The following CNTN4 variants were observed in gnomAD, a reference collection of about 807,000 sequenced individuals.
CNTN4 encodes the protein contactin 4.
CNTN4 carries 77 observed loss-of-function variants against 122.5 expected under a neutral mutation model. The observed-to-expected ratio is 0.63, with a 90% confidence interval of 0.52 to 0.76. The LOEUF (loss-of-function observed/expected upper bound fraction) is 0.76, where lower values mean the gene tolerates loss of function less well. Ranked by LOEUF, CNTN4 falls within the 30% of genes least tolerant of loss-of-function variation. The pLI is 0.00. For missense variants in CNTN4, 1,256 were observed against 1,259.1 expected, an observed-to-expected ratio of 1.00 and a Z score of 0.04; for synonymous variants, 512 against 447.0, an observed-to-expected ratio of 1.15 and a Z score of -1.83.
chr3:2,254,868 G>C (rs867323288), intron 2 of CNTN4, among the ~76,000 whole-genome samples: 2 of 152,160 alleles, frequency 1.3e-5, no homozygotes, highest in Admixed American at 1.3e-4. Flanking sequence ...TTCTTTTGCT[G>C]TGAGGAAGCT....
intron 10 of CNTN4, among the ~76,000 whole-genome samples, chr3:2,891,963 A>G (rs572282684): frequency 3.9e-5 from 6 of 152,356 alleles, no homozygotes; most frequent in Admixed American, 3.3e-4. Context: ...GTTAGGACGT[A>G]AGAGAGGAAG....
chr3:2,849,643 CAGA>C (rs2093513816), intron 7 of CNTN4, among the ~76,000 whole-genome samples: 1 of 152,166 alleles, frequency 6.6e-6, no homozygotes, highest in African/African-American at 2.4e-5. Context: ...CCCTACTTTA[CAGA>C]AGAAGATCAA....
chr3:2,758,436 G>A (rs900573066), intron 6 of CNTN4, among the ~76,000 whole-genome samples: 1 of 151,080 alleles, frequency 6.6e-6, no homozygotes, highest in Non-Finnish European at 1.5e-5. Flanking sequence ...TCCAATAAAG[G>A]TGCATATTCC....
At chr3:2,678,687 A>G (rs1412467001) in intron 4 of CNTN4, among the ~76,000 whole-genome samples, 7 of 152,236 alleles carry the variant, frequency 4.6e-5, no homozygotes, top group Admixed American at 2.6e-4. Flanking sequence ...TTGGTTTATC[A>G]GAATGAAGTA....
At chr3:3,014,473 G>A (rs767674278) in intron 14 of CNTN4, among the ~76,000 whole-genome samples, 10 of 152,080 alleles carry the variant, frequency 6.6e-5, no homozygotes, top group Non-Finnish European at 1.2e-4. Context: ...GCCCAACAAA[G>A]GGTTTCTATT....
At chr3:2,685,816 G>A (rs1914010) in intron 4 of CNTN4, among the ~76,000 whole-genome samples, 72,704 of 151,768 alleles carry the variant, frequency 0.48, 20,043 homozygotes, top group Non-Finnish European at 0.62. Context: ...AGAGCAGGTG[G>A]CTGTGGTTTG....
intron 24 of CNTN4, among the ~76,000 whole-genome samples, chr3:3,055,541 C>T (rs531782653): frequency 6.6e-6 from 1 of 152,108 alleles, no homozygotes; most frequent in Non-Finnish European, 1.5e-5. Context: ...AGTGTAAGAC[C>T]CATAAGAAAA....
chr3:2,962,497 C>T (rs1206919035), intron 13 of CNTN4, among the ~76,000 whole-genome samples: 3 of 152,138 alleles, frequency 2.0e-5, no homozygotes, highest in Non-Finnish European at 4.4e-5. Flanking sequence ...TTAGAAAACC[C>T]CTGGAAGAAG....
intron 4 of CNTN4, among the ~76,000 whole-genome samples, chr3:2,715,300 A>G (rs2087424827): frequency 6.6e-6 from 1 of 152,240 alleles, no homozygotes. Flanking sequence ...TGTAAAGGAA[A>G]GTAAAAGCCA....
At chr3:2,808,226 C>G (rs894255654) in intron 6 of CNTN4, among the ~76,000 whole-genome samples, 14 of 152,100 alleles carry the variant, frequency 9.2e-5, no homozygotes, top group African/African-American at 3.4e-4. Flanking sequence ...CCTTATGTCT[C>G]CATTTAGTAA....
At chr3:2,167,884 G>T (rs1041853843) in intron 2 of CNTN4, among the ~76,000 whole-genome samples, 18 of 152,144 alleles carry the variant, frequency 1.2e-4, no homozygotes, top group Admixed American at 1.2e-3. Context: ...GACCAGGCAT[G>T]GTGGCTTATG....
chr3:2,779,018 C>T (rs1302721283), intron 6 of CNTN4, among the ~76,000 whole-genome samples: 2 of 152,276 alleles, frequency 1.3e-5, no homozygotes, highest in Admixed American at 1.3e-4. Context: ...CTTAATGCCC[C>T]ATAGTAGCAT....
chr3:2,285,529 C>G (rs2041871128), intron 2 of CNTN4, among the ~76,000 whole-genome samples: 1 of 151,950 alleles, frequency 6.6e-6, no homozygotes, highest in Non-Finnish European at 1.5e-5. Context: ...AAGTATTCTG[C>G]TATGATTTTA....
intron 2 of CNTN4, among the ~76,000 whole-genome samples, chr3:2,280,141 A>G (rs996650186): frequency 2.0e-5 from 3 of 152,044 alleles, no homozygotes; most frequent in Non-Finnish European, 4.4e-5. Context: ...TTATCTTTAA[A>G]TAGAGACAGG....
chr3:2,585,522 A>G (rs574793183), intron 4 of CNTN4, among the ~76,000 whole-genome samples: 21 of 152,206 alleles, frequency 1.4e-4, no homozygotes, highest in African/African-American at 4.3e-4. Context: ...AAAAATGATG[A>G]GTTCATGTCC....
chr3:2,802,596 C>T (rs532349778), intron 6 of CNTN4, among the ~76,000 whole-genome samples: 4 of 152,146 alleles, frequency 2.6e-5, no homozygotes, highest in Non-Finnish European at 5.9e-5. Context: ...TGTCTTCAAA[C>T]AGAAACAAGT....
intron 2 of CNTN4, among the ~76,000 whole-genome samples, chr3:2,136,785 G>T (rs1380777847): frequency 1.3e-5 from 2 of 151,936 alleles, no homozygotes; most frequent in Non-Finnish European, 2.9e-5. Flanking sequence ...CCACTCAAAA[G>T]AATTGATTCC....
intron 2 of CNTN4, among the ~76,000 whole-genome samples, chr3:2,336,213 G>T (rs1261426111): frequency 6.9e-6 from 1 of 144,988 alleles, no homozygotes; most frequent in Non-Finnish European, 1.6e-5. Context: ...GATGATGTTT[G>T]TTGTTTATTT....
At chr3:2,134,731 C>A (rs2034606144) in intron 2 of CNTN4, among the ~76,000 whole-genome samples, 1 of 152,110 alleles carries the variant, frequency 6.6e-6, no homozygotes, top group Non-Finnish European at 1.5e-5. Context: ...GCAAGGGGAG[C>A]CCTGTGTTAG....
Sources: allele counts gnomAD v4.1 joint callset (sites outside exome capture counted in the v4.1 genomes callset), GRCh38; gene constraint gnomAD v4.1.1; transcripts MANE v1.5; gene names NCBI Gene and HGNC (gene_info 2026-07-23, HGNC 2026-07-21).